The following ABCB7 variants were observed in gnomAD, a reference collection of about 807,000 sequenced individuals.
ABCB7 encodes the protein ATP binding cassette subfamily B member 7, also known as iron-sulfur clusters transporter ABCB7, mitochondrial.
A neutral mutation model predicts 54.4 loss-of-function variants in ABCB7; 7 were observed. The ratio of observed to expected loss-of-function variants is 0.13; its 90% confidence interval spans 0.07 to 0.24. The LOEUF is 0.24. Ranked by LOEUF, ABCB7 falls within the 10% of genes least tolerant of loss-of-function variation. ABCB7 has a pLI of 1.00. For synonymous variants in ABCB7, 218 were observed against 207.1 expected (o/e 1.05, Z -0.45); for missense variants, 356 against 570.4 (o/e 0.62, Z 3.83).
chrX:75,061,255 A>G (rs1172241483), intron 14 of ABCB7, among the ~76,000 whole-genome samples: 2 of 111,436 alleles, frequency 1.8e-5, no homozygotes, highest in Admixed American at 1.9e-4. Flanking sequence ...AAAATTTACC[A>G]CATCTTCTAA....
At chrX:75,140,899 T>C (rs1207449935) in intron 1 of ABCB7, among the ~76,000 whole-genome samples, 3 of 111,513 alleles carry the variant, frequency 2.7e-5, no homozygotes, top group African/African-American at 9.8e-5. Flanking sequence ...TACCACCAAA[T>C]CTCTCTATTC....
chrX:75,153,756 G>GTATATA (rs10626282), intron 1 of ABCB7, among the ~76,000 whole-genome samples: 2,025 of 91,819 alleles, frequency 0.022, 48 homozygotes, highest in African/African-American at 0.064. Context: ...GCGTGTGTGT[G>GTATATA]TGTGTATATA....
At chrX:75,151,631 C>A (rs1428976077) in intron 1 of ABCB7, among the ~76,000 whole-genome samples, 1 of 111,576 alleles carries the variant, frequency 9.0e-6, no homozygotes, top group East Asian at 2.8e-4. Flanking sequence ...AGTAGAGGTA[C>A]TATATAAAAA....
chrX:75,099,899 AG>A (rs2081625727), intron 3 of ABCB7, among the ~76,000 whole-genome samples: 1 of 109,553 alleles, frequency 9.1e-6, no homozygotes, highest in Non-Finnish European at 1.9e-5. Context: ...AAAAGAAAAA[AG>A]TAAAAAAAAA....
rs756843338 is a variant in ABCB7 at position 75,065,021 on chromosome X, G to A, written c.1831+49C>T. ...TAAAAAATGGCTCTGACAAATTAGA[G>A]TTTGAAAGAAGTATACAAGAAGGGG... On this transcript the variant is annotated intron_variant, in intron 13 of 15. Coordinates refer to ENST00000373394, the MANE Select transcript of ABCB7 (RefSeq NM_001271696.3). The A allele has an allele frequency of 7.6e-6, 9 of 1,187,189 alleles. No homozygotes were observed. In the African/African-American group the frequency reaches 1.6e-4, roughly 21 times the overall value.
chrX:75,141,952 A>T (rs2082057216), intron 1 of ABCB7, among the ~76,000 whole-genome samples: 1 of 111,918 alleles, frequency 8.9e-6, no homozygotes, highest in African/African-American at 3.2e-5. Context: ...AGAGCAACAA[A>T]ATATATAATT....
intron 4 of ABCB7, 109 bp from the exon 5 acceptor site, chrX:75,076,763 C>G: frequency 1.1e-6 from 1 of 885,727 alleles, no homozygotes; most frequent in Non-Finnish European, 1.6e-6. Flanking sequence ...ATATTTACCA[C>G]TTACTGGTAT....
chrX:75,078,331 T>C (rs1220143323), intron 4 of ABCB7, among the ~76,000 whole-genome samples: 1 of 111,686 alleles, frequency 9.0e-6, no homozygotes, highest in South Asian at 3.7e-4. Flanking sequence ...ATCTTTTTGT[T>C]ATAGTTTATA....
At chrX:75,083,555 T>C (rs1602353748) in intron 4 of ABCB7, among the ~76,000 whole-genome samples, 1 of 111,428 alleles carries the variant, frequency 9.0e-6, no homozygotes, top group East Asian at 2.8e-4. Context: ...ATCAGGCTTC[T>C]TTGATAGAAG....
intron 2 of ABCB7, among the ~76,000 whole-genome samples, chrX:75,113,539 C>T (rs774456759): frequency 9.0e-6 from 1 of 111,662 alleles, no homozygotes; most frequent in East Asian, 2.8e-4. Flanking sequence ...TCTTATTACA[C>T]GATAAATTTC....
intron 4 of ABCB7, among the ~76,000 whole-genome samples, chrX:75,088,948 C>T (rs148957483): frequency 0.017 from 1,808 of 107,938 alleles, 19 homozygotes; most frequent in South Asian, 0.049. Context: ...CAAAAATAAT[C>T]TTAAAAGAAG....
At chrX:75,113,296 T>C (rs780527101) in intron 2 of ABCB7, among the ~76,000 whole-genome samples, 2 of 112,404 alleles carry the variant, frequency 1.8e-5, no homozygotes, top group East Asian at 5.6e-4. Flanking sequence ...ATAGTGCCGA[T>C]AATCTCTTAT....
chrX:75,129,103 C>T (rs193180427), intron 1 of ABCB7, among the ~76,000 whole-genome samples: 1 of 111,701 alleles, frequency 9.0e-6, no homozygotes, highest in African/African-American at 3.3e-5. Context: ...TGAGTATATA[C>T]CCAAAGGATT....
At chrX:75,055,967 A>G (rs1317269498) in intron 15 of ABCB7, among the ~76,000 whole-genome samples, 1 of 110,690 alleles carries the variant, frequency 9.0e-6, no homozygotes, top group Non-Finnish European at 1.9e-5. Context: ...TATTACCAGC[A>G]TGAGCCACCA....
intron 1 of ABCB7, among the ~76,000 whole-genome samples, chrX:75,136,597 C>CTGGAGGCA (rs749405067): frequency 0.028 from 3,092 of 111,191 alleles, 116 homozygotes; most frequent in African/African-American, 0.097. Flanking sequence ...AACAAAAAAG[C>CTGGAGGCA]TGGAGGCATG....
intron 1 of ABCB7, among the ~76,000 whole-genome samples, chrX:75,115,799 A>C: frequency 9.7e-6 from 1 of 103,318 alleles, no homozygotes; most frequent in Non-Finnish European, 2.0e-5. Flanking sequence ...GGGGGGGGGC[A>C]CGGGGCAGAA....
At position 75,075,537 on chromosome X, in the gene ABCB7, T is replaced by C. The variant is rs771942327; in HGVS notation, c.680A>G (p.Lys227Arg). ...GTTGTGAAGATGGAGAAAGACATTT[T>C]TGGCTATTCTTCGGATTGAATTCTG... Reference protein sequence around the residue: ...VAQNSIRRIAKNVFLHLHNLD... With the variant: ...VAQNSIRRIARNVFLHLHNLD... The change falls in exon 6 of 16, where the codon AAA becomes AGA. Residue 227 changes from lysine to arginine, a missense_variant. Around this residue, in one of 2 missense-constraint regions of ABCB7, gnomAD observed 241 missense variants for 470.9 expected, o/e 0.51. Coordinates refer to ENST00000373394, the MANE Select transcript of ABCB7 (RefSeq NM_001271696.3). 4 of 1,211,172 alleles carry C rather than the reference T, an allele frequency of 3.3e-6. No individual in the cohort carries two copies. Among genetic ancestry groups the C allele is most frequent in the Non-Finnish European group, 4.5e-6 (4 of 895,154 alleles).
At chrX:75,115,280 A>C (rs1451197435) in intron 1 of ABCB7, among the ~76,000 whole-genome samples, 1 of 103,470 alleles carries the variant, frequency 9.7e-6, no homozygotes, top group Non-Finnish European at 2.0e-5. Context: ...AAAAAAAAAA[A>C]AAAAAAAAAA....
At chrX:75,130,216 A>T (rs1159787826) in intron 1 of ABCB7, among the ~76,000 whole-genome samples, 2 of 112,107 alleles carry the variant, frequency 1.8e-5, no homozygotes, top group Non-Finnish European at 3.8e-5. Flanking sequence ...TCCAAGAATC[A>T]ATGTAATTCT....
Sources: gnomAD v4.1 joint callset for allele counts (sites outside exome capture counted in the v4.1 genomes callset) on GRCh38, gnomAD v4.1.1 for gene constraint, gnomAD v4.1.1 regional missense constraint, MANE v1.5 for transcripts, NCBI Gene and HGNC (gene_info 2026-07-23, HGNC 2026-07-21) for gene names.